Variants in ATP5F1B observed in about 807,000 individuals in gnomAD.
ATP5F1B encodes the protein ATP synthase F(1) complex subunit beta, mitochondrial.
In ATP5F1B, 17 loss-of-function variants were observed where a neutral mutation model predicts 45.9. The observed-to-expected ratio is 0.37, with a 90% confidence interval of 0.25 to 0.56. The LOEUF is 0.56. ATP5F1B is among the 20% of genes least tolerant of loss of function. The probability of loss-of-function intolerance (pLI) is 0.80; values close to 1 mark genes in which losing one functional copy is unlikely to be tolerated. For missense variants in ATP5F1B, 387 were observed against 673.2 expected (o/e 0.57, Z 4.70); for synonymous variants, 218 against 256.5 (o/e 0.85, Z 1.43).
chr12:56,644,869 T>G lies in ATP5F1B; in HGVS notation c.397A>C (p.Lys133Gln). Reference protein sequence around the residue: ...QKVLDSGAPIKIPVGPETLGR... With the variant: ...QKVLDSGAPIQIPVGPETLGR... ...AAAGTCTCAGGACCAACAGGAATTT[T>G]GATTGGTGCACCAGAATCCAGTACT... Residue 133 changes from lysine (K) to glutamine (Q), a missense_variant, in exon 3 of 10, where the codon AAA becomes CAA. By Grantham distance (53) the Lys-to-Gln change is moderately conservative (BLOSUM62 1). Around this residue, in one of 6 missense-constraint regions of ATP5F1B, gnomAD observed 113 missense variants for 168.0 expected, o/e 0.67. Transcript: ENST00000262030. 1 of 1,614,216 alleles carries G rather than the reference T, an allele frequency of 6.2e-7. No homozygotes were observed. The highest frequency in any genetic ancestry group is 8.5e-7 in the Non-Finnish European group (1 of 1,180,036).
chr12:56,645,831 A>C lies in ATP5F1B; in HGVS notation c.127+6T>G, dbSNP rs1262809159. The C allele has an allele frequency of 6.2e-6, 10 of 1,607,888 alleles. No individual in the cohort carries two copies. The South Asian group carries it at 1.1e-4, about 18-fold the overall frequency. On this transcript the variant is annotated splice_donor_region_variant and intron_variant, in intron 1 of 9. Transcript: ENST00000262030. ...GGAACGTTAGCTCCTAGAGAAAAGCACTTACCAGGATGGACCGCCGTCGGA... is the reference window on the plus strand; with the variant it reads ...GGAACGTTAGCTCCTAGAGAAAAGCCCTTACCAGGATGGACCGCCGTCGGA...
intron 5 of ATP5F1B, 73 bp downstream of exon 5, chr12:56,643,330 T>G: frequency 7.5e-7 from 1 of 1,333,444 alleles, no homozygotes; most frequent in Non-Finnish European, 1.0e-6. Flanking sequence ...ATAGAAAATA[T>G]AGAACATGGC....
intron 7 of ATP5F1B, among the ~76,000 whole-genome samples, chr12:56,640,889 G>A (rs1338421822): frequency 7.3e-5 from 10 of 136,500 alleles, no homozygotes; most frequent in Admixed American, 5.9e-4. Context: ...AAAAAAAAAC[G>A]GAAACAAAAA....
At chr12:56,643,674 C>T (rs769618388) in intron 4 of ATP5F1B, 87 bp from the exon 5 acceptor site, 2 of 1,587,210 alleles carry the variant, frequency 1.3e-6, no homozygotes, top group Non-Finnish European at 1.7e-6. Flanking sequence ...TTCCTTCCAT[C>T]CTATTCCTTC....
At position 56,638,204 on chromosome 12, in the gene ATP5F1B, C is replaced by A; in HGVS notation, c.*119G>T. The A allele has an allele frequency of 2.3e-6, 2 of 881,070 alleles. No individual in the cohort carries two copies. Among genetic ancestry groups the A allele is most frequent in the Non-Finnish European group, 1.8e-6 (1 of 562,538 alleles). 54.6% of individuals were successfully genotyped at this position (881,070 alleles called of 1,614,324 possible). ...GAGGGGTGTACATTTTATTGGAAACCTTAAATACTGTTCAGAAAGAATATA... is the reference window on the plus strand; with the variant it reads ...GAGGGGTGTACATTTTATTGGAAACATTAAATACTGTTCAGAAAGAATATA... On this transcript the variant is annotated 3_prime_UTR_variant, in exon 10 of 10. Coordinates refer to ENST00000262030, the MANE Select transcript of ATP5F1B (RefSeq NM_001686.4).
chr12:56,638,385 C>G lies in ATP5F1B; in HGVS notation c.1528G>C (p.Val510Leu). Reference protein sequence around the residue: ...DHLPEQAFYMVGPIEEAVAKA... With the variant: ...DHLPEQAFYMLGPIEEAVAKA... Reference sequence around the variant, plus strand: ...GCCACAGCTTCTTCAATGGGTCCCACCATATAGAAGGCCTGTTCTGGGAGA... The same window carrying G: ...GCCACAGCTTCTTCAATGGGTCCCAGCATATAGAAGGCCTGTTCTGGGAGA... Residue 510 changes from valine (V) to leucine (L), a missense_variant, in exon 10 of 10, where the codon GTG (valine) becomes CTG (leucine). Val to Leu is a conservative substitution (Grantham distance 32). Transcript: ENST00000262030. The G allele has an allele frequency of 6.2e-7, 1 of 1,613,736 alleles. No individual in the cohort carries two copies. The highest frequency in any genetic ancestry group is 8.5e-7 in the Non-Finnish European group (1 of 1,179,948).
At chr12:56,639,724 T>A (rs893557139) in intron 8 of ATP5F1B, among the ~76,000 whole-genome samples, 1 of 148,096 alleles carries the variant, frequency 6.8e-6, no homozygotes, top group African/African-American at 2.5e-5. Context: ...TGAGCCGAGA[T>A]GGCACCACTG....
chr12:56,640,858 G>A (rs1201317438), intron 7 of ATP5F1B, among the ~76,000 whole-genome samples: 12 of 144,992 alleles, frequency 8.3e-5, no homozygotes, highest in South Asian at 2.2e-4. Flanking sequence ...CAGTAGAGAC[G>A]GGGGTCTCTA....
intron 3 of ATP5F1B, 68 bp from the exon 4 acceptor site, chr12:56,644,026 C>A: frequency 6.4e-7 from 1 of 1,558,308 alleles, no homozygotes; most frequent in Non-Finnish European, 8.7e-7. Flanking sequence ...CTTATATATC[C>A]CTCCCTATCA....
intron 7 of ATP5F1B, among the ~76,000 whole-genome samples, chr12:56,641,778 C>T (rs1951514042): frequency 6.6e-6 from 1 of 151,908 alleles, no homozygotes. Flanking sequence ...GTCTTGATCT[C>T]CTGACCTCAT....
At chr12:56,639,051 G>A (rs909055433) in intron 9 of ATP5F1B, 55 bp downstream of exon 9, 70 of 1,536,890 alleles carry the variant, frequency 4.6e-5, no homozygotes, top group Non-Finnish European at 6.1e-5. Context: ...CTTGACGGTT[G>A]TTGGAATGGG....
Position 56,640,081 on chromosome 12 carries a change from G to T in ATP5F1B, c.1186C>A (p.Pro396Thr), listed in dbSNP as rs1951500424. ...SRAIAELGIY[P>T]AVDPLDSTSR... ...GTGGAGTCTAGAGGATCCACAGCTGGATAGATGCCCAGCTCAGCAATGGCA... is the reference window on the plus strand; with the variant it reads ...GTGGAGTCTAGAGGATCCACAGCTGTATAGATGCCCAGCTCAGCAATGGCA... Residue 396 changes from proline to threonine, a missense_variant, in exon 8 of 10, where the codon CCA becomes ACA. Pro to Thr is a conservative substitution (Grantham distance 38, BLOSUM62 -1). Coordinates refer to ENST00000262030, the MANE Select transcript of ATP5F1B (RefSeq NM_001686.4). 1 of 1,614,000 alleles carries T rather than the reference G, an allele frequency of 6.2e-7. No homozygotes were observed. Among genetic ancestry groups the T allele is most frequent in the Non-Finnish European group, 8.5e-7 (1 of 1,180,040 alleles).
chr12:56,645,571 C>G (rs1951543477), intron 1 of ATP5F1B, among the ~76,000 whole-genome samples: 1 of 152,148 alleles, frequency 6.6e-6, no homozygotes, highest in Admixed American at 6.6e-5. Flanking sequence ...TTCGAGAGTT[C>G]AGTACCCCTA....
At position 56,642,659 on chromosome 12, in the gene ATP5F1B, G is replaced by A; in HGVS notation, c.951+14C>T. Reference sequence around the variant, plus strand: ...GGCCAGATGAACCAGGTCCTCTCAAGCCTTCCCTCTTACCTCTGAACCAGC... The same window carrying A: ...GGCCAGATGAACCAGGTCCTCTCAAACCTTCCCTCTTACCTCTGAACCAGC... On this transcript the variant is annotated intron_variant, in intron 6 of 9. Transcript: ENST00000262030. The A allele has an allele frequency of 6.2e-7, 1 of 1,614,116 alleles. No homozygotes were observed. Among genetic ancestry groups the A allele is most frequent in the Non-Finnish European group, 8.5e-7 (1 of 1,179,970 alleles).
chr12:56,643,246 A>C, intron 5 of ATP5F1B, 157 bp downstream of exon 5: 1 of 596,118 alleles, frequency 1.7e-6, no homozygotes, highest in Non-Finnish European at 2.7e-6. Context: ...GAAAACACTA[A>C]CAGGTTTCCT....
Position 56,639,107 on chromosome 12 carries a change from T to G in ATP5F1B, c.1488A>C (p.Ala496=), listed in dbSNP as rs1474275866. ...CAAGATTTGTACTCAAAATCTCACC[T>G]GCCAAAATCTGCTGGAATCCTTTGA... The part of the protein sequence containing the change: ...ETIKGFQQIL[A]GEYDHLPEQA... The change falls in exon 9 of 10, where the codon GCA becomes GCC. Residue 496 remains alanine, a splice_region_variant and synonymous_variant. Coordinates refer to ENST00000262030, the MANE Select transcript of ATP5F1B (RefSeq NM_001686.4). 1.2e-5 allele frequency: 19 copies of G among 1,614,028 alleles called. No homozygotes were observed. Among genetic ancestry groups the G allele is most frequent in the Non-Finnish European group, 1.6e-5 (19 of 1,180,014 alleles).
In ATP5F1B at chr12:56,641,132, A is replaced by C. The variant is rs144195471; in HGVS notation, c.1075-940T>G. On this transcript the variant is annotated intron_variant, in intron 7 of 9. Coordinates refer to ENST00000262030, the MANE Select transcript of ATP5F1B (RefSeq NM_001686.4). ...ATAATCCCAACACTTTGGGAGGCTG[A>C]GTCAGGCAGATCACCTGAGGTCAGG... Among the ~76,000 whole-genome samples the C allele has an allele frequency of 1.5e-3, 223 of 152,222 alleles. 3 individuals carry two copies. Among genetic ancestry groups the C allele is most frequent in the Middle Eastern group, 6.8e-3 (2 of 294 alleles).
rs760941781 is a variant in ATP5F1B, at chr12:56,639,356, G to C, written c.1288-49C>G. The C allele has an allele frequency of 1.9e-6, 3 of 1,568,330 alleles. No individual in the cohort carries two copies. The South Asian group carries it at 3.4e-5, about 18-fold the overall frequency. ...TTAAGTATTCTCATTCCTTTAATTT[G>C]GACAAGCTAACAAAGGGAAAGTTAC... On this transcript the variant is annotated intron_variant, in intron 8 of 9. Transcript: ENST00000262030.
Position 56,638,281 on chromosome 12 carries a change from G to A in ATP5F1B, c.*42C>T. On this transcript the variant is annotated 3_prime_UTR_variant, in exon 10 of 10. Coordinates refer to ENST00000262030, the MANE Select transcript of ATP5F1B (RefSeq NM_001686.4). ...TACACAGAAAAATGAAGCTTTTTGG[G>A]TTAGGGGCAAGGAGAGAGACAGTAC... The A allele has an allele frequency of 6.5e-7, 1 of 1,541,722 alleles. No homozygotes were observed. The highest frequency in any genetic ancestry group is 8.9e-7 in the Non-Finnish European group (1 of 1,121,698).
Sources: gnomAD v4.1 joint callset for allele counts (sites outside exome capture counted in the v4.1 genomes callset) on GRCh38, gnomAD v4.1.1 for gene constraint, gnomAD v4.1.1 regional missense constraint, MANE v1.5 for transcripts, NCBI Gene and HGNC (gene_info 2026-07-23, HGNC 2026-07-21) for gene names.